The following TXNRD3 variants were observed in gnomAD, a reference collection of about 807,000 sequenced individuals.
TXNRD3 encodes the protein TXNRD3 neighbor gene protein.
TXNRD3 carries 68 observed loss-of-function variants against 78.2 expected under a neutral mutation model. The observed-to-expected ratio is 0.87, with a 90% CI of 0.72 to 1.06. The LOEUF (loss-of-function observed/expected upper bound fraction) is 1.06. Ranked by LOEUF, TXNRD3 falls within the 50% of genes least tolerant of loss-of-function variation. The pLI is 0.00. For missense variants in TXNRD3, 751 were observed against 809.5 expected (o/e 0.93, Z 0.88); for synonymous variants, 296 against 300.1 (o/e 0.99, Z 0.14).
chr3:126,649,983 G>C (rs1273315558), intron 1 of TXNRD3, among the ~76,000 whole-genome samples: 1 of 152,164 alleles, frequency 6.6e-6, no homozygotes, highest in Non-Finnish European at 1.5e-5. Flanking sequence ...CTAAAAAATA[G>C]TTAAAAATGG....
rs967385903 is a variant in TXNRD3 at position 126,641,482 on chromosome 3, C to T, written c.712+550G>A. On this transcript the variant is annotated intron_variant, in intron 6 of 15. Transcript: ENST00000524230. ...CTTTCCCTGACACTCCCCCACCACC[C>T]TCAAGGCTACATGGAGCCAATACTC... Among the ~76,000 whole-genome samples, 4 of 152,294 alleles carry T rather than the reference C, an allele frequency of 2.6e-5. No individual in the cohort carries two copies. The South Asian group carries it at 8.3e-4, about 32-fold the overall frequency.
At chr3:126,611,429 T>G (rs969085161) in intron 13 of TXNRD3, among the ~76,000 whole-genome samples, 1 of 152,202 alleles carries the variant, frequency 6.6e-6, no homozygotes, top group African/African-American at 2.4e-5. Flanking sequence ...GGCAGAGCAC[T>G]AGGCACAGGC....
intron 15 of TXNRD3, among the ~76,000 whole-genome samples, 185 bp downstream of exon 15, chr3:126,608,314 T>C (rs748980717): frequency 3.3e-5 from 5 of 152,144 alleles, no homozygotes; most frequent in Non-Finnish European, 7.4e-5. Flanking sequence ...TGAGTCAAGA[T>C]CATGCTACTG....
chr3:126,608,666 A>C, intron 14 of TXNRD3, 33 bp from the exon 15 acceptor site: 1 of 1,527,876 alleles, frequency 6.5e-7, no homozygotes, highest in South Asian at 1.2e-5. Context: ...AGAGAATCCC[A>C]GTAGGTTAAT....
chr3:126,632,016 G>A (rs1938726891), intron 7 of TXNRD3, 137 bp from the exon 8 acceptor site: 1 of 630,164 alleles, frequency 1.6e-6, no homozygotes. Context: ...AATGCAATGT[G>A]ATAAGCACAA....
intron 5 of TXNRD3, 105 bp from the exon 6 acceptor site, chr3:126,642,256 G>T: frequency 7.7e-7 from 1 of 1,301,536 alleles, no homozygotes; most frequent in East Asian, 2.7e-5. Flanking sequence ...AATGGTGGGG[G>T]GGATGACACC....
chr3:126,633,802 C>T (rs1163837991), intron 7 of TXNRD3, 107 bp downstream of exon 7: 26 of 783,568 alleles, frequency 3.3e-5, no homozygotes, highest in East Asian at 8.7e-5. Context: ...TGTGTGTGCA[C>T]GCACGCCTGT....
At chr3:126,647,421 G>A in intron 1 of TXNRD3, 125 bp from the exon 2 acceptor site, 1 of 704,506 alleles carries the variant, frequency 1.4e-6, no homozygotes, top group Non-Finnish European at 2.3e-6. Flanking sequence ...GCCAACGTGT[G>A]GTTTTTGTTT....
intron 8 of TXNRD3, among the ~76,000 whole-genome samples, chr3:126,631,293 CAAAA>C (rs371915225): frequency 3.5e-4 from 53 of 151,932 alleles, no homozygotes; most frequent in African/African-American, 1.1e-3. Context: ...AAAACTGCAA[CAAAA>C]AATGTATTTC....
rs190253893 is a variant in TXNRD3 at position 126,609,099 on chromosome 3, G to T, written c.1729-466C>A. 88 of 408,416 alleles carry T rather than the reference G, an allele frequency of 2.2e-4. 1 individual carries two copies. The highest frequency in any genetic ancestry group is 1.7e-3 in the African/African-American group (82 of 48,874). 25.3% of individuals were successfully genotyped at this position (408,416 alleles called of 1,614,324 possible). On this transcript the variant is annotated intron_variant, in intron 14 of 15. Coordinates refer to ENST00000524230, the MANE Select transcript of TXNRD3 (RefSeq NM_052883.3). ...TGGTGCAGGGCTGTCACCCAGGGCT[G>T]TGTGCTGAGAGGTATGGGGTGCAGG...
chr3:126,640,261 C>T (rs1256793314), intron 6 of TXNRD3, among the ~76,000 whole-genome samples: 1 of 34,438 alleles, frequency 2.9e-5, no homozygotes, highest in African/African-American at 5.9e-5. Flanking sequence ...CCCGCCACTA[C>T]GCCCGGCTAA....
At chr3:126,639,563 AAAAG>A (rs1933005276) in intron 6 of TXNRD3, among the ~76,000 whole-genome samples, 2 of 152,058 alleles carry the variant, frequency 1.3e-5, no homozygotes, top group South Asian at 4.1e-4. Context: ...GGGTTTAGGG[AAAAG>A]AAAGATTTTT....
chr3:126,645,206 A>G (rs190234512), intron 3 of TXNRD3, among the ~76,000 whole-genome samples: 2 of 152,334 alleles, frequency 1.3e-5, no homozygotes, highest in Admixed American at 6.5e-5. Context: ...AAGGGTCCCT[A>G]TGGCCTCCTT....
intron 13 of TXNRD3, among the ~76,000 whole-genome samples, chr3:126,613,429 G>A (rs184204426): frequency 6.6e-6 from 1 of 152,140 alleles, no homozygotes; most frequent in Non-Finnish European, 1.5e-5. Context: ...CTATGTAAAA[G>A]CTATTCAAAG....
intron 5 of TXNRD3, 100 bp from the exon 6 acceptor site, chr3:126,642,251 T>TG (rs1362836596): frequency 1.3e-5 from 17 of 1,356,126 alleles, no homozygotes; most frequent in Non-Finnish European, 1.3e-5. Flanking sequence ...AGCTCAATGG[T>TG]GGGGGGGATG....
chr3:126,614,943 T>C (rs1049605666), intron 13 of TXNRD3, among the ~76,000 whole-genome samples: 1 of 152,040 alleles, frequency 6.6e-6, no homozygotes, highest in Non-Finnish European at 1.5e-5. Flanking sequence ...AAACAAGAGG[T>C]AGCAATAAAG....
intron 1 of TXNRD3, among the ~76,000 whole-genome samples, chr3:126,650,235 G>A (rs1385619587): frequency 6.6e-6 from 1 of 152,210 alleles, no homozygotes; most frequent in Non-Finnish European, 1.5e-5. Flanking sequence ...CCTCTACACT[G>A]AGCCTAGTTT....
At chr3:126,652,466 A>G (rs1438048889) in intron 1 of TXNRD3, among the ~76,000 whole-genome samples, 2 of 152,342 alleles carry the variant, frequency 1.3e-5, no homozygotes, top group East Asian at 3.9e-4. Flanking sequence ...AGGAAGCTAA[A>G]TCTGACCGAT....
Position 126,630,937 on chromosome 3 carries a change from A to G in TXNRD3, c.972T>C (p.Ser324=), listed in dbSNP as rs1938700451. ...AATAAGGCAGAGAAAAAAGGTCATC[A>G]CTGAAAAATAAAAATTAAAAAAAGA... Residue 324 remains serine, a splice_region_variant and synonymous_variant, in exon 9 of 16, where the codon AGT becomes AGC. Transcript: ENST00000524230. 5 of 1,531,818 alleles carry G rather than the reference A, an allele frequency of 3.3e-6. No individual in the cohort carries two copies. Among genetic ancestry groups the G allele is most frequent in the Non-Finnish European group, 3.5e-6 (4 of 1,145,856 alleles). The allele number at this position is 1,531,818 out of a possible 1,614,324, so 94.9% of individuals were successfully genotyped here. A position where few individuals can be genotyped will look rare whatever the true frequency, so the allele number is the denominator to read the frequency against.
Sources: allele counts gnomAD v4.1 joint callset (sites outside exome capture counted in the v4.1 genomes callset), GRCh38; gene constraint gnomAD v4.1.1; transcripts MANE v1.5; gene names NCBI Gene and HGNC (gene_info 2026-07-23, HGNC 2026-07-21).